The following BDP1 variants were observed in gnomAD, a reference collection of about 807,000 sequenced individuals.
The protein encoded by BDP1 is BDP1 general transcription factor IIIB subunit, also known as transcription factor TFIIIB component B'' homolog.
A neutral mutation model predicts 266.6 loss-of-function variants in BDP1; 169 were observed. The observed-to-expected ratio is 0.63, with a 90% CI of 0.56 to 0.72. The LOEUF (loss-of-function observed/expected upper bound fraction) is 0.72, where lower values mean the gene tolerates loss of function less well. BDP1 is among the 30% of genes least tolerant of loss of function. BDP1 has a pLI of 0.00. For missense variants in BDP1, 3,015 were observed against 3,053.8 expected (o/e 0.99, Z 0.30); for synonymous variants, 1,090 against 1,022.4 (o/e 1.07, Z -1.26).
chr5:71,527,550 CATA>C (rs1390316907), intron 25 of BDP1, among the ~76,000 whole-genome samples: 8 of 152,092 alleles, frequency 5.3e-5, no homozygotes, highest in Non-Finnish European at 1.0e-4. Context: ...TTTCATTTAG[CATA>C]ATGTTTTCAC....
chr5:71,539,056 T>G lies in BDP1; in HGVS notation c.5907T>G (p.Ser1969Arg). The change falls in exon 27 of 39, where the codon AGT becomes AGG. Residue 1969 changes from serine (S) to arginine (R), a missense_variant. Physicochemically the swap from Ser to Arg is moderately radical, Grantham distance 110. This residue lies in a region of BDP1 where 2,383 missense variants were observed against 2,404.9 expected (regional missense o/e 0.99). Coordinates refer to ENST00000358731, the MANE Select transcript of BDP1 (RefSeq NM_018429.3). ...NLSVPFEMTT[S>R]EHIQDEPGTN... Reference sequence around the variant, plus strand: ...TTCCTTTTTAGGAAATGACCACAAGTGAACATATCCAAGATGAACCAGGTA... The same window carrying G: ...TTCCTTTTTAGGAAATGACCACAAGGGAACATATCCAAGATGAACCAGGTA... 5 of 1,604,014 alleles carry G rather than the reference T, an allele frequency of 3.1e-6. No homozygotes were observed. Among genetic ancestry groups the G allele is most frequent in the Non-Finnish European group, 4.3e-6 (5 of 1,173,424 alleles).
chr5:71,464,370 A>G (rs955583028), intron 4 of BDP1, among the ~76,000 whole-genome samples: 2 of 151,626 alleles, frequency 1.3e-5, no homozygotes, highest in African/African-American at 4.8e-5. Context: ...TGGTGTGTAC[A>G]TGTAGTCCTA....
At chr5:71,490,913 A>G in intron 10 of BDP1, 71 bp from the exon 11 acceptor site, 1 of 1,484,392 alleles carries the variant, frequency 6.7e-7, no homozygotes, top group Non-Finnish European at 9.0e-7. Flanking sequence ...GTTATAGGTA[A>G]ATTCCTTTGT....
At chr5:71,521,039 T>C (rs1340293893) in intron 22 of BDP1, among the ~76,000 whole-genome samples, 1 of 151,474 alleles carries the variant, frequency 6.6e-6, no homozygotes, top group Non-Finnish European at 1.5e-5. Context: ...AAATACAAAA[T>C]TAGCCAGCCG....
At chr5:71,495,510 A>G in intron 12 of BDP1, 102 bp downstream of exon 12, 1 of 661,000 alleles carries the variant, frequency 1.5e-6, no homozygotes, top group Non-Finnish European at 2.4e-6. Context: ...TTATTAATAC[A>G]TACTTTATTA....
Position 71,514,763 on chromosome 5 carries a change from T to G in BDP1, c.4471-181T>G, listed in dbSNP as rs111645329. Among the ~76,000 whole-genome samples the G allele has an allele frequency of 2.1e-3, 319 of 152,340 alleles. 1 individual carries two copies. The highest frequency in any genetic ancestry group is 6.6e-3 in the African/African-American group (273 of 41,594). On this transcript the variant is annotated intron_variant, in intron 19 of 38. Transcript: ENST00000358731. ...GTTACAATAAATATTTTTGTGTGTATATTTCTACTTGTTGAGTATTTATAA... is the reference window on the plus strand; with the variant it reads ...GTTACAATAAATATTTTTGTGTGTAGATTTCTACTTGTTGAGTATTTATAA...
chr5:71,537,149 C>CAA (rs70992979), intron 26 of BDP1, among the ~76,000 whole-genome samples: 910 of 82,274 alleles, frequency 0.011, 2 homozygotes, highest in Middle Eastern at 0.016. Context: ...ACCAAAAAAC[C>CAA]AAAAAAAAAA....
chr5:71,532,485 T>G, intron 26 of BDP1, 58 bp downstream of exon 26: 1 of 1,551,398 alleles, frequency 6.4e-7, no homozygotes, highest in Non-Finnish European at 8.8e-7. Flanking sequence ...TTGAAAAGAC[T>G]GGAGGTTCCT....
intron 8 of BDP1, among the ~76,000 whole-genome samples, chr5:71,485,162 T>C (rs1381672693): frequency 6.6e-6 from 1 of 152,174 alleles, no homozygotes; most frequent in Non-Finnish European, 1.5e-5. Flanking sequence ...TTATTGATCT[T>C]AAACAGGATA....
chr5:71,548,804 T>A (rs1055926900), intron 33 of BDP1, 59 bp downstream of exon 33: 1 of 1,196,176 alleles, frequency 8.4e-7, no homozygotes, highest in African/African-American at 1.5e-5. Context: ...TTTTACCCCT[T>A]ATTTAACTAT....
intron 11 of BDP1, among the ~76,000 whole-genome samples, chr5:71,493,153 C>A (rs532052939): frequency 6.6e-6 from 1 of 152,328 alleles, no homozygotes; most frequent in Middle Eastern, 3.4e-3. Context: ...TGCTATTTCT[C>A]ATAGTTGTTT....
intron 15 of BDP1, 142 bp from the exon 16 acceptor site, chr5:71,504,479 A>G: frequency 1.4e-6 from 1 of 728,980 alleles, no homozygotes; most frequent in East Asian, 2.9e-5. Flanking sequence ...AGCTAAAGAA[A>G]AAACATTAAA....
At chr5:71,525,641 A>AC (rs1277617461) in intron 25 of BDP1, among the ~76,000 whole-genome samples, 2 of 83,750 alleles carry the variant, frequency 2.4e-5, no homozygotes, top group African/African-American at 4.6e-5. Flanking sequence ...CGGGGGGCTG[A>AC]CCCCCCCACC....
Position 71,455,756 on chromosome 5 carries a change from C to G in BDP1, c.-122C>G, listed in dbSNP as rs1486833765. The G allele has an allele frequency of 4.3e-5, 35 of 816,278 alleles. 1 individual carries two copies. The highest frequency in any genetic ancestry group is 3.7e-4 in the Middle Eastern group (1 of 2,712). 50.6% of individuals were successfully genotyped at this position (816,278 alleles called of 1,614,324 possible). On this transcript the variant is annotated 5_prime_UTR_variant, in exon 1 of 39. Coordinates refer to ENST00000358731, the MANE Select transcript of BDP1 (RefSeq NM_018429.3). ...GGCAGTGAAACTACGGTAGCTGCCC[C>G]CTGAGCTGGTGGTGTGGCTTTGTGG... is the stretch of plus-strand genomic sequence containing the variant.
intron 12 of BDP1, 148 bp downstream of exon 12, chr5:71,495,556 G>A (rs1374918675): frequency 2.0e-6 from 1 of 494,624 alleles, no homozygotes; most frequent in Non-Finnish European, 3.4e-6. Context: ...TAATTATACT[G>A]TAGTCTGTTC....
At chr5:71,456,810 A>T (rs1372354956) in intron 1 of BDP1, among the ~76,000 whole-genome samples, 3 of 152,238 alleles carry the variant, frequency 2.0e-5, no homozygotes, top group Admixed American at 2.0e-4. Context: ...TAGAAAGGTG[A>T]TGGAGTAAAT....
chr5:71,483,873 G>A lies in BDP1; in HGVS notation c.1046G>A (p.Gly349Glu). 1 of 1,611,316 alleles carries A rather than the reference G, an allele frequency of 6.2e-7. No individual in the cohort carries two copies. Among genetic ancestry groups the A allele is most frequent in the Non-Finnish European group, 8.5e-7 (1 of 1,177,974 alleles). Residue 349 changes from glycine to glutamate, a missense_variant, in exon 8 of 39, where the codon GGA (glycine) becomes GAA (glutamate). This residue lies in a region of BDP1 where 2,383 missense variants were observed against 2,404.9 expected (regional missense o/e 0.99). Coordinates refer to ENST00000358731, the MANE Select transcript of BDP1 (RefSeq NM_018429.3). ...NKFKREEKTN[G>E]WRIDKAFQEK... ...TTTAAACGGGAAGAGAAAACAAATG[G>A]ATGGAGAATAGACAAAGCATTCCGT...
intron 25 of BDP1, among the ~76,000 whole-genome samples, chr5:71,526,685 GTTT>G (rs35962090): frequency 1.7e-5 from 2 of 118,932 alleles, no homozygotes; most frequent in Non-Finnish European, 1.8e-5. Flanking sequence ...CTCTCTCTCT[GTTT>G]TTTTTTTTTT....
At position 71,517,333 on chromosome 5, in the gene BDP1, A is replaced by T. The variant is rs771896589; in HGVS notation, c.4872A>T (p.Gln1624His). 6.3e-7 allele frequency: 1 copy of T among 1,598,756 alleles called. No individual in the cohort carries two copies. The highest frequency in any genetic ancestry group is 1.2e-5 in the South Asian group (1 of 86,924). Residue 1624 changes from glutamine to histidine, a missense_variant, in exon 22 of 39, where the codon CAA becomes CAT. By Grantham distance (24) the Gln-to-His change is conservative. Around this residue, in one of 3 missense-constraint regions of BDP1, gnomAD observed 2,383 missense variants for 2,404.9 expected, o/e 0.99. Transcript: ENST00000358731. ...TTTTGTCTTTTCAGTCAAATTCTCA[A>T]ATTGAAACTGAAATTGAAGTTCCAT... ...EKKVLTVSNS[Q>H]IETEIEVPSS...
Sources: allele counts gnomAD v4.1 joint callset (sites outside exome capture counted in the v4.1 genomes callset), GRCh38; gene constraint gnomAD v4.1.1; regional missense constraint gnomAD v4.1.1; transcripts MANE v1.5; gene names NCBI Gene and HGNC (gene_info 2026-07-23, HGNC 2026-07-21).